Variants in STX18 observed in about 807,000 individuals in gnomAD.
STX18 encodes syntaxin 18.
STX18 carries 40 observed loss-of-function variants against 50.1 expected under a neutral mutation model. That is an observed-to-expected ratio of 0.80 (90% confidence interval 0.62 to 1.04). The LOEUF is 1.04. STX18 is among the 50% of genes least tolerant of loss of function. The pLI is 0.00. For missense variants in STX18, 410 were observed against 415.8 expected (o/e 0.99, Z 0.12); for synonymous variants, 158 against 151.8 (o/e 1.04, Z -0.30).
intron 1 of STX18, among the ~76,000 whole-genome samples, chr4:4,512,027 C>T (rs185625579): frequency 6.6e-6 from 1 of 151,948 alleles, no homozygotes; most frequent in Admixed American, 6.6e-5. Flanking sequence ...GTAGTAGCCC[C>T]CTAGCTGTAA....
At chr4:4,477,196 T>C (rs1424874288) in intron 1 of STX18, among the ~76,000 whole-genome samples, 1 of 152,158 alleles carries the variant, frequency 6.6e-6, no homozygotes, top group Non-Finnish European at 1.5e-5. Flanking sequence ...TGAGCCGAGA[T>C]CGCGCCACTG....
intron 1 of STX18, among the ~76,000 whole-genome samples, chr4:4,496,132 G>A (rs1341867551): frequency 6.6e-6 from 1 of 152,088 alleles, no homozygotes; most frequent in Non-Finnish European, 1.5e-5. Flanking sequence ...AACAATCTAA[G>A]ATCCTCCATT....
chr4:4,471,283 G>C (rs1228634510), intron 2 of STX18, among the ~76,000 whole-genome samples: 1 of 152,210 alleles, frequency 6.6e-6, no homozygotes, highest in Non-Finnish European at 1.5e-5. Flanking sequence ...GGCAAAAATA[G>C]CTTAGCAGAG....
At chr4:4,456,162 C>G (rs902725033) in intron 5 of STX18, among the ~76,000 whole-genome samples, 4 of 151,960 alleles carry the variant, frequency 2.6e-5, no homozygotes, top group Non-Finnish European at 5.9e-5. Context: ...TGCCTGTAAT[C>G]CCAGCTACTC....
intron 1 of STX18, among the ~76,000 whole-genome samples, chr4:4,503,603 T>C (rs551140109): frequency 1.3e-4 from 20 of 152,114 alleles, no homozygotes; most frequent in African/African-American, 4.3e-4. Context: ...ATCTCAGAAA[T>C]CACCACTAAA....
chr4:4,540,729 G>A (rs1055812983), intron 1 of STX18, among the ~76,000 whole-genome samples: 2 of 152,180 alleles, frequency 1.3e-5, no homozygotes, highest in South Asian at 2.1e-4. Context: ...TCAATAGGGC[G>A]AGTGTATTCA....
intron 1 of STX18, among the ~76,000 whole-genome samples, chr4:4,522,499 TG>T (rs903179009): frequency 6.6e-6 from 1 of 152,150 alleles, no homozygotes; most frequent in African/African-American, 2.4e-5. Flanking sequence ...CTGACCATAA[TG>T]GGGAGGAGTT....
intron 1 of STX18, among the ~76,000 whole-genome samples, chr4:4,505,242 T>C (rs1729645280): frequency 6.6e-6 from 1 of 152,226 alleles, no homozygotes; most frequent in African/African-American, 2.4e-5. Flanking sequence ...ATGCATTTAA[T>C]ACACCTAACC....
intron 1 of STX18, among the ~76,000 whole-genome samples, chr4:4,487,240 C>T (rs541166820): frequency 6.6e-6 from 1 of 152,324 alleles, no homozygotes; most frequent in South Asian, 2.1e-4. Context: ...GGGGGTTTGT[C>T]TGCATGGTCA....
At chr4:4,509,880 G>C (rs568447114) in intron 1 of STX18, among the ~76,000 whole-genome samples, 1 of 152,120 alleles carries the variant, frequency 6.6e-6, no homozygotes, top group Non-Finnish European at 1.5e-5. Flanking sequence ...ATTCCAAGGA[G>C]AGGAAACAAT....
At chr4:4,421,800 TAA>T (rs1008087747) in intron 9 of STX18, among the ~76,000 whole-genome samples, 4 of 152,122 alleles carry the variant, frequency 2.6e-5, no homozygotes, top group African/African-American at 9.7e-5. Context: ...TCATATCTCT[TAA>T]AAAACAGGCT....
At chr4:4,492,866 A>G (rs16835778) in intron 1 of STX18, among the ~76,000 whole-genome samples, 27,065 of 152,122 alleles carry the variant, frequency 0.18, 2,667 homozygotes, top group South Asian at 0.3. Flanking sequence ...ATATTTTTAA[A>G]ATGTCAAAGT....
intron 1 of STX18, among the ~76,000 whole-genome samples, chr4:4,488,763 G>C (rs1460091576): frequency 1.3e-5 from 2 of 152,182 alleles, no homozygotes; most frequent in African/African-American, 4.8e-5. Context: ...ACTCAAAAGA[G>C]CAAGTAATAT....
intron 7 of STX18, among the ~76,000 whole-genome samples, chr4:4,431,662 A>G (rs1245871712): frequency 6.6e-6 from 1 of 152,118 alleles, no homozygotes; most frequent in Non-Finnish European, 1.5e-5. Context: ...AGGCGCCTCA[A>G]ACTCACACCT....
intron 5 of STX18, among the ~76,000 whole-genome samples, chr4:4,447,121 CTT>C (rs1348307345): frequency 6.6e-6 from 1 of 152,216 alleles, no homozygotes; most frequent in African/African-American, 2.4e-5. Flanking sequence ...GCATCTATGA[CTT>C]AATATTTTAC....
At chr4:4,458,214 A>G (rs1043646929) in intron 3 of STX18, among the ~76,000 whole-genome samples, 13 of 152,242 alleles carry the variant, frequency 8.5e-5, no homozygotes, top group Admixed American at 8.5e-4. Flanking sequence ...TAAGGTTCAG[A>G]GGCAATAAAT....
chr4:4,425,375 A>G, intron 7 of STX18, 153 bp from the exon 8 acceptor site: 3 of 668,008 alleles, frequency 4.5e-6, no homozygotes, highest in South Asian at 3.4e-5. Flanking sequence ...CGTTAGCATT[A>G]GTGTGAACAA....
intron 5 of STX18, among the ~76,000 whole-genome samples, chr4:4,439,774 C>T (rs1329491989): frequency 1.3e-5 from 2 of 152,100 alleles, no homozygotes; most frequent in African/African-American, 4.8e-5. Flanking sequence ...TTGGCATTCC[C>T]CTGTTTCTTC....
chr4:4,531,712 C>T (rs1169375347), intron 1 of STX18, among the ~76,000 whole-genome samples: 1 of 152,204 alleles, frequency 6.6e-6, no homozygotes, highest in Admixed American at 6.5e-5. Flanking sequence ...CCTAAGTAGA[C>T]TGCCTCTAAT....
Sources: gnomAD v4.1 joint callset for allele counts (sites outside exome capture counted in the v4.1 genomes callset) on GRCh38, gnomAD v4.1.1 for gene constraint, MANE v1.5 for transcripts, NCBI Gene and HGNC (gene_info 2026-07-23, HGNC 2026-07-21) for gene names.